Variants in ANO3 observed in about 807,000 individuals in gnomAD.
ANO3 encodes the protein anoctamin-3.
Under a neutral mutation model 144.8 loss-of-function variants are expected in ANO3, and 99 were observed. The observed-to-expected ratio is 0.68, with a 90% CI of 0.58 to 0.81. ANO3 has a LOEUF of 0.81. Ranked by LOEUF, ANO3 falls within the 30% of genes least tolerant of loss-of-function variation. The pLI is 0.00. For synonymous variants in ANO3, 414 were observed against 392.6 expected, an observed-to-expected ratio of 1.05 and a Z score of -0.64; for missense variants, 905 against 1,202.2, an observed-to-expected ratio of 0.75 and a Z score of 3.66.
intron 1 of ANO3, among the ~76,000 whole-genome samples, chr11:26,317,809 G>A (rs1328796496): frequency 6.6e-6 from 1 of 152,150 alleles, no homozygotes; most frequent in Non-Finnish European, 1.5e-5. Flanking sequence ...ACATGCATAC[G>A]TATGTTTATT....
intron 4 of ANO3, among the ~76,000 whole-genome samples, chr11:26,507,115 A>T (rs1310086566): frequency 1.3e-5 from 2 of 152,192 alleles, no homozygotes; most frequent in East Asian, 3.9e-4. Flanking sequence ...AATTGGGTTC[A>T]AGTCCTGGCT....
intron 1 of ANO3, among the ~76,000 whole-genome samples, chr11:26,313,205 C>A (rs934999373): frequency 6.6e-6 from 1 of 152,110 alleles, no homozygotes; most frequent in Non-Finnish European, 1.5e-5. Context: ...TTTCTTAGGA[C>A]ATGTGTCCAT....
Position 26,277,092 on chromosome 11 carries a change from TA to T in ANO3, c.155-32551del, listed in dbSNP as rs1853575312. Among the ~76,000 whole-genome samples, 3 of 152,238 alleles carry T rather than the reference TA, an allele frequency of 2.0e-5. No individual in the cohort carries two copies. In the South Asian group the frequency reaches 6.2e-4, roughly 32 times the overall value. ...CATTTACTTGGGGGCAGGGGTAATT[TA>T]AGTCAGAAATAAATCCATCCATATA... On this transcript the variant is annotated intron_variant, in intron 1 of 27. Coordinates refer to the ANO3 transcript ENST00000672621.
intron 26 of ANO3, among the ~76,000 whole-genome samples, chr11:26,657,587 T>TTTC (rs1405226361): frequency 4.6e-5 from 7 of 152,162 alleles, no homozygotes; most frequent in African/African-American, 1.7e-4. Context: ...TCACCACTGC[T>TTTC]AATTCCATTA....
At chr11:26,344,490 C>T (rs951129462) in intron 1 of ANO3, among the ~76,000 whole-genome samples, 6 of 151,782 alleles carry the variant, frequency 4.0e-5, no homozygotes, top group African/African-American at 1.5e-4. Flanking sequence ...CTCAGCCTCC[C>T]GAGTAGCTGG....
At position 26,456,895 on chromosome 11, in the gene ANO3, A is replaced by G. The variant is rs1420655120; in HGVS notation, c.314-6135A>G. Among the ~76,000 whole-genome samples the G allele has an allele frequency of 3.4e-5, 5 of 145,852 alleles. No homozygotes were observed. The East Asian group carries it at 6.1e-4, about 18-fold the overall frequency. On this transcript the variant is annotated intron_variant, in intron 3 of 26. Coordinates refer to ENST00000256737, the MANE Select transcript of ANO3 (RefSeq NM_031418.4). Reference sequence around the variant, plus strand: ...ATACACCATGGAATACTATGCAGCCATAAAAAATGATGAGTTCATGTCCTT... The same window carrying G: ...ATACACCATGGAATACTATGCAGCCGTAAAAAATGATGAGTTCATGTCCTT...
chr11:26,487,506 T>C (rs540967118), intron 4 of ANO3, among the ~76,000 whole-genome samples: 1 of 152,174 alleles, frequency 6.6e-6, no homozygotes, highest in South Asian at 2.1e-4. Flanking sequence ...TCCGAAAATG[T>C]GGAAGTGACT....
intron 1 of ANO3, among the ~76,000 whole-genome samples, chr11:26,387,303 AGT>A (rs1856761980): frequency 6.6e-6 from 1 of 151,846 alleles, no homozygotes; most frequent in African/African-American, 2.4e-5. Flanking sequence ...AGGTGATAAA[AGT>A]ACGATCTTAG....
At chr11:26,571,485 T>C (rs971444365) in intron 14 of ANO3, among the ~76,000 whole-genome samples, 8 of 152,286 alleles carry the variant, frequency 5.3e-5, no homozygotes, top group African/African-American at 1.2e-4. Flanking sequence ...TAATTATATG[T>C]ACTGTACAAC....
At chr11:26,278,425 C>A (rs1456323010) in intron 1 of ANO3, among the ~76,000 whole-genome samples, 2 of 152,046 alleles carry the variant, frequency 1.3e-5, no homozygotes, top group South Asian at 4.1e-4. Context: ...AGTAATGACT[C>A]ATTACAGAAT....
chr11:26,260,047 CTTT>C (rs768969943), intron 1 of ANO3, among the ~76,000 whole-genome samples: 34 of 129,716 alleles, frequency 2.6e-4, no homozygotes, highest in Non-Finnish European at 2.5e-4. Context: ...TTTTAAAGTG[CTTT>C]TTTTTTTTTT....
intron 14 of ANO3, among the ~76,000 whole-genome samples, chr11:26,588,588 T>C (rs991590914): frequency 6.6e-6 from 1 of 152,206 alleles, no homozygotes. Context: ...TTGTGAAAGA[T>C]GTTTTTTGCT....
At chr11:26,591,770 C>T (rs548093238) in intron 14 of ANO3, among the ~76,000 whole-genome samples, 10 of 152,226 alleles carry the variant, frequency 6.6e-5, no homozygotes, top group East Asian at 5.8e-4. Context: ...TCATGGTTGT[C>T]GCTTGAAGAG....
At chr11:26,640,731 C>T (rs904763278) in intron 21 of ANO3, among the ~76,000 whole-genome samples, 5 of 152,128 alleles carry the variant, frequency 3.3e-5, no homozygotes, top group African/African-American at 1.2e-4. Flanking sequence ...CACCATGGCA[C>T]ATCTTACCCT....
intron 26 of ANO3, among the ~76,000 whole-genome samples, chr11:26,658,531 A>C (rs1853770678): frequency 6.6e-6 from 1 of 151,876 alleles, no homozygotes; most frequent in African/African-American, 2.4e-5. Flanking sequence ...AATCACTTGA[A>C]CCCAGGAGGC....
At chr11:26,533,672 C>A (rs1283107125) in intron 8 of ANO3, among the ~76,000 whole-genome samples, 2 of 152,008 alleles carry the variant, frequency 1.3e-5, no homozygotes, top group African/African-American at 4.8e-5. Context: ...ATAATCTAGG[C>A]AAGAGGCAAT....
At chr11:26,540,098 A>C (rs1251638917) in intron 10 of ANO3, among the ~76,000 whole-genome samples, 1 of 152,142 alleles carries the variant, frequency 6.6e-6, no homozygotes, top group Non-Finnish European at 1.5e-5. Flanking sequence ...AAGGCATATC[A>C]TATAATCTGC....
At chr11:26,492,784 A>T (rs1398949733) in intron 4 of ANO3, among the ~76,000 whole-genome samples, 1 of 152,228 alleles carries the variant, frequency 6.6e-6, no homozygotes, top group Non-Finnish European at 1.5e-5. Context: ...ACTTAATTTT[A>T]TATTGTGGAA....
At chr11:26,265,693 G>C (rs1001340870) in intron 1 of ANO3, among the ~76,000 whole-genome samples, 1 of 152,156 alleles carries the variant, frequency 6.6e-6, no homozygotes, top group African/African-American at 2.4e-5. Context: ...GCAGAGGTTA[G>C]TAACCCTTTC....
Sources: allele counts gnomAD v4.1 joint callset (sites outside exome capture counted in the v4.1 genomes callset), GRCh38; gene constraint gnomAD v4.1.1; transcripts MANE v1.5; gene names NCBI Gene and HGNC (gene_info 2026-07-23, HGNC 2026-07-21).